The following ITIH2 variants were observed in gnomAD, a reference collection of about 807,000 sequenced individuals.
ITIH2 encodes inter-alpha-trypsin inhibitor heavy chain 2.
Under a neutral mutation model 104.4 loss-of-function variants are expected in ITIH2, and 103 were observed. The observed-to-expected ratio is 0.99, with a 90% confidence interval of 0.84 to 1.16. The LOEUF (loss-of-function observed/expected upper bound fraction) is 1.16, where lower values mean the gene tolerates loss of function less well. ITIH2 is among the 50% of genes most tolerant of loss of function. ITIH2 has a pLI of 0.00. For missense variants in ITIH2, 1,108 were observed against 1,162.4 expected, an observed-to-expected ratio of 0.95 and a Z score of 0.68; for synonymous variants, 436 against 435.4, an observed-to-expected ratio of 1.00 and a Z score of -0.02.
rs1176514477 is a variant in ITIH2, at chr10:7,709,648, T to C, written c.362+457T>C. 2.0e-5 allele frequency among the ~76,000 whole-genome samples: 3 copies of C among 152,146 alleles called. No homozygotes were observed. In the South Asian group the frequency reaches 6.2e-4, roughly 31 times the overall value. On this transcript the variant is annotated intron_variant, in intron 4 of 20. Coordinates refer to ENST00000358415, the MANE Select transcript of ITIH2 (RefSeq NM_002216.3). ...TCCTCTATAACACCGCTGACAAGTG[T>C]GTGATGATTTCCTTGATGATAAACT...
chr10:7,736,227 C>T (rs537210161), intron 15 of ITIH2, among the ~76,000 whole-genome samples: 3 of 152,052 alleles, frequency 2.0e-5, no homozygotes, highest in Non-Finnish European at 4.4e-5. Flanking sequence ...ATTAGCCAGC[C>T]ATGGTGGCAC....
intron 19 of ITIH2, 99 bp from the exon 20 acceptor site, chr10:7,746,493 TC>T (rs1240208718): frequency 1.3e-6 from 1 of 751,190 alleles, no homozygotes; most frequent in Non-Finnish European, 2.3e-6. Flanking sequence ...ACCCTAGAAA[TC>T]CTGGAGGGAG....
chr10:7,735,076 C>A lies in ITIH2; in HGVS notation c.1942C>A (p.Pro648Thr). The change falls in exon 15 of 21, where the codon CCC (proline) becomes ACC (threonine). Residue 648 changes from proline (P) to threonine (T), a missense_variant. Pro to Thr is a conservative substitution (Grantham distance 38). Transcript: ENST00000358415. ...GCTGGCGGATGCCCCACCGCAGGAT[C>A]CCTCCTGCTGCTCAGGTCAGGGCTG... ...RMLADAPPQD[P>T]SCCSGALYYG... 7 of 1,609,004 alleles carry A rather than the reference C, an allele frequency of 4.4e-6. No homozygotes were observed. Among genetic ancestry groups the A allele is most frequent in the Non-Finnish European group, 5.9e-6 (7 of 1,179,500 alleles).
intron 8 of ITIH2, among the ~76,000 whole-genome samples, chr10:7,722,755 G>A (rs993195686): frequency 3.9e-5 from 6 of 152,178 alleles, no homozygotes; most frequent in Non-Finnish European, 5.9e-5. Flanking sequence ...CGTCCCCTGG[G>A]TGCGCGTTAG....
At chr10:7,720,443 A>G (rs1045693003) in intron 6 of ITIH2, among the ~76,000 whole-genome samples, 2 of 152,246 alleles carry the variant, frequency 1.3e-5, no homozygotes, top group African/African-American at 4.8e-5. Context: ...AAGACAGAGA[A>G]GAAATAAAAC....
chr10:7,728,731 G>A (rs557128712), intron 11 of ITIH2, among the ~76,000 whole-genome samples: 10 of 151,974 alleles, frequency 6.6e-5, no homozygotes. Context: ...TCTGGCCACT[G>A]TAAGTAATAG....
chr10:7,724,596 AGAAGAC>A (rs372447048), intron 9 of ITIH2, among the ~76,000 whole-genome samples: 4 of 150,068 alleles, frequency 2.7e-5, no homozygotes, highest in South Asian at 2.1e-4. Context: ...AAGAAGAGGA[AGAAGAC>A]GAAGACGAAG....
At chr10:7,727,630 T>C in intron 10 of ITIH2, 73 bp from the exon 11 acceptor site, 1 of 1,550,254 alleles carries the variant, frequency 6.5e-7, no homozygotes, top group Non-Finnish European at 8.8e-7. Flanking sequence ...GACATATGAG[T>C]CTGAATCCAG....
intron 2 of ITIH2, among the ~76,000 whole-genome samples, 172 bp downstream of exon 2, chr10:7,705,354 A>G: frequency 6.6e-6 from 1 of 152,232 alleles, no homozygotes; most frequent in East Asian, 1.9e-4. Context: ...TGAAATAAAA[A>G]GAGAAACTCA....
Position 7,731,746 on chromosome 10 carries a change from T to C in ITIH2, c.1462-65T>C. The C allele has an allele frequency of 6.1e-6, 7 of 1,143,046 alleles. No homozygotes were observed. In the South Asian group the frequency reaches 1.2e-4, roughly 19 times the overall value. The allele number at this position is 1,143,046 out of a possible 1,614,324, so 70.8% of individuals were successfully genotyped here. On this transcript the variant is annotated intron_variant, in intron 12 of 20. Transcript: ENST00000358415. ...TCTCAAAATAAATAAATAAATAAAA[T>C]AAAATGCTTTAGATCTACAAAGCAG...
At chr10:7,731,014 G>A (rs1435868023) in intron 12 of ITIH2, among the ~76,000 whole-genome samples, 1 of 152,150 alleles carries the variant, frequency 6.6e-6, no homozygotes, top group Non-Finnish European at 1.5e-5. Flanking sequence ...CGCCTCCTGG[G>A]TTCAGGCGAT....
chr10:7,742,521 A>C (rs1453783919), intron 16 of ITIH2, among the ~76,000 whole-genome samples: 1 of 152,176 alleles, frequency 6.6e-6, no homozygotes, highest in African/African-American at 2.4e-5. Context: ...TGGGTGGATC[A>C]CTTGAGTTCA....
intron 12 of ITIH2, 144 bp downstream of exon 12, chr10:7,730,277 C>T: frequency 1.7e-6 from 1 of 602,392 alleles, no homozygotes; most frequent in Non-Finnish European, 2.8e-6. Context: ...CAGGGAAGTG[C>T]CCAGTTCCTT....
intron 20 of ITIH2, among the ~76,000 whole-genome samples, chr10:7,748,358 G>A (rs1365269903): frequency 6.7e-6 from 1 of 149,066 alleles, no homozygotes; most frequent in Non-Finnish European, 1.5e-5. Flanking sequence ...CGTGGGCTGG[G>A]CACAGTGATA....
chr10:7,710,252 T>C (rs1200248240), intron 4 of ITIH2, among the ~76,000 whole-genome samples: 3 of 152,254 alleles, frequency 2.0e-5, no homozygotes, highest in Non-Finnish European at 4.4e-5. Context: ...GATGGTTTCA[T>C]GGACATCTCA....
chr10:7,746,102 G>A (rs1368466264), intron 19 of ITIH2, among the ~76,000 whole-genome samples: 5 of 125,762 alleles, frequency 4.0e-5, no homozygotes, highest in African/African-American at 1.3e-4. Context: ...AAAAAAAAAG[G>A]CTGTGAGTAG....
At chr10:7,722,353 A>G (rs1206780311) in intron 8 of ITIH2, among the ~76,000 whole-genome samples, 1 of 152,134 alleles carries the variant, frequency 6.6e-6, no homozygotes, top group Non-Finnish European at 1.5e-5. Context: ...GTTTCCTGGA[A>G]AGAGGCAGCC....
At chr10:7,735,573 C>T (rs1468651659) in intron 15 of ITIH2, among the ~76,000 whole-genome samples, 1 of 151,992 alleles carries the variant, frequency 6.6e-6, no homozygotes, top group African/African-American at 2.4e-5. Context: ...AATACAATTT[C>T]TATATGCAAC....
At chr10:7,718,977 G>A (rs1193577691) in intron 6 of ITIH2, among the ~76,000 whole-genome samples, 1 of 152,102 alleles carries the variant, frequency 6.6e-6, no homozygotes, top group Non-Finnish European at 1.5e-5. Flanking sequence ...TCTTTTCTTT[G>A]CTCAAATCTT....
Sources: allele counts gnomAD v4.1 joint callset (sites outside exome capture counted in the v4.1 genomes callset), GRCh38; gene constraint gnomAD v4.1.1; transcripts MANE v1.5; gene names NCBI Gene and HGNC (gene_info 2026-07-23, HGNC 2026-07-21).